The following KDM6B variants were observed in gnomAD, a reference collection of about 807,000 sequenced individuals.
The protein encoded by KDM6B is lysine-specific demethylase 6B.
Under a neutral mutation model 150.4 loss-of-function variants are expected in KDM6B, and 22 were observed. That is an observed-to-expected ratio of 0.15 (90% CI 0.10 to 0.21). The LOEUF (loss-of-function observed/expected upper bound fraction) is 0.21, where lower values mean the gene tolerates loss of function less well. Ranked by LOEUF, KDM6B falls within the 10% of genes least tolerant of loss-of-function variation. The pLI is 1.00. For synonymous variants in KDM6B, 1,148 were observed against 921.1 expected (o/e 1.25, Z -4.46); for missense variants, 1,984 against 2,234.3 (o/e 0.89, Z 2.26).
chr17:7,853,356 T>C lies in KDM6B; in HGVS notation c.4884T>C (p.Ala1628=), dbSNP rs756013989. The change falls in exon 23 of 24, where the codon GCT becomes GCC. Residue 1628 remains alanine, a synonymous_variant. Transcript: ENST00000448097. ...VLEQYRTEEL[A]QAYDAFTLAP... ...AGCAGTACCGCACTGAGGAGCTGGC[T>C]CAGGCCTACGACGCCTTCACGCTGG... is the stretch of plus-strand genomic sequence containing the variant. 5 of 1,563,726 alleles carry C rather than the reference T, an allele frequency of 3.2e-6. No individual in the cohort carries two copies. The highest frequency in any genetic ancestry group is 1.7e-4 in the Middle Eastern group (1 of 6,004).
intron 21 of KDM6B, 110 bp downstream of exon 21, chr17:7,852,746 G>T: frequency 2.0e-6 from 3 of 1,493,754 alleles, no homozygotes; most frequent in South Asian, 1.1e-5. Context: ...GTCTGCCTGT[G>T]CCCCGAGTGT....
At position 7,844,812 on chromosome 17, in the gene KDM6B, C is replaced by T. The variant is rs1053223041; in HGVS notation, c.-268-89C>T. The T allele has an allele frequency of 1.3e-4, 20 of 156,260 alleles. No homozygotes were observed. The highest frequency in any genetic ancestry group is 4.8e-4 in the African/African-American group (20 of 41,434). 9.7% of individuals were successfully genotyped at this position (156,260 alleles called of 1,614,324 possible). A position where few individuals can be genotyped will look rare whatever the true frequency, so the allele number is the denominator to read the frequency against. ...GCCGCGGGGTCACATCGGGGTCACC[C>T]CGGGCTGAGCTCGTCTGACCGGCTC... On this transcript the variant is annotated intron_variant, in intron 2 of 23. Coordinates refer to ENST00000448097, the MANE Select transcript of KDM6B (RefSeq NM_001348716.2). The surrounding 1 kb of genome is among the most constrained non-coding windows in gnomAD (Gnocchi z 5.9).
chr17:7,837,486 T>C (rs2078350100), intron 1 of KDM6B, among the ~76,000 whole-genome samples: 1 of 152,230 alleles, frequency 6.6e-6, no homozygotes, highest in South Asian at 2.1e-4. Context: ...ATGGTTGTTC[T>C]TCTCTATTAA....
In KDM6B at chr17:7,848,554, A is replaced by G. The variant is rs758011548; in HGVS notation, c.2266A>G (p.Thr756Ala). 6.0e-6 allele frequency: 9 copies of G among 1,495,208 alleles called. No individual in the cohort carries two copies. Among genetic ancestry groups the G allele is most frequent in the South Asian group, 1.1e-5 (1 of 87,964 alleles). The allele number at this position is 1,495,208 out of a possible 1,614,324, so 92.6% of individuals were successfully genotyped here. Residue 756 changes from threonine (T) to alanine (A), a missense_variant, in exon 12 of 24, where the codon ACC (threonine) becomes GCC (alanine). Physicochemically the swap from Thr to Ala is moderately conservative, Grantham distance 58. Coordinates refer to ENST00000448097, the MANE Select transcript of KDM6B (RefSeq NM_001348716.2). ...TGCTGTCGCCGTCACCACCACCACCACCACCACCACCACCACCACGGCCAC... is the reference window on the plus strand; with the variant it reads ...TGCTGTCGCCGTCACCACCACCACCGCCACCACCACCACCACCACGGCCAC... Reference protein sequence around the residue: ...APAVAVTTTTTTTTTTTATQE... With the variant: ...APAVAVTTTTATTTTTTATQE...
chr17:7,845,479 G>A, intron 4 of KDM6B, 23 bp downstream of exon 4: 1 of 1,591,482 alleles, frequency 6.3e-7, no homozygotes, highest in Non-Finnish European at 8.6e-7. Flanking sequence ...CTGGGGCCGA[G>A]CTGGCTGGAT....
chr17:7,844,039 C>T lies in KDM6B; in HGVS notation c.-268-862C>T, dbSNP rs2078475985. On this transcript the variant is annotated intron_variant, in intron 2 of 23. Coordinates refer to ENST00000448097, the MANE Select transcript of KDM6B (RefSeq NM_001348716.2). This position sits in a 1 kb window ranked among gnomAD's most constrained non-coding sequence, Gnocchi z 5.9. ...GATGTCACTGCCTGTCGGGCCCCGC[C>T]CTCCTCCCTCCCTCAGGACCCCCCC... 6.7e-6 allele frequency among the ~76,000 whole-genome samples: 1 copy of T among 148,812 alleles called. No homozygotes were observed. Among genetic ancestry groups the T allele is most frequent in the Non-Finnish European group, 1.5e-5 (1 of 67,290 alleles).
chr17:7,847,974 C>T lies in KDM6B; in HGVS notation c.1686C>T (p.Ser562=). 1 of 1,612,006 alleles carries T rather than the reference C, an allele frequency of 6.2e-7. No individual in the cohort carries two copies. The highest frequency in any genetic ancestry group is 8.5e-7 in the Non-Finnish European group (1 of 1,179,344). ...GCAACAGCAACAGTGGCAGCCACAG[C>T]AGCAGCCCTGCTGGGCCTGTGTCCT... The part of the protein sequence containing the change: ...SSSNSNSGSH[S]SSPAGPVSFP... The change falls in exon 12 of 24, where the codon AGC becomes AGT. Residue 562 remains serine (S), a synonymous_variant. Coordinates refer to ENST00000448097, the MANE Select transcript of KDM6B (RefSeq NM_001348716.2).
At position 7,846,303 on chromosome 17, in the gene KDM6B, A is replaced by G. The variant is rs80152199; in HGVS notation, c.456+6A>G. ...GCATTGGCCGACTGCAGCAGGTAGG[A>G]GAAGGCAGGGCGTGGGGGACGGGAT... On this transcript the variant is annotated splice_donor_region_variant and intron_variant, in intron 7 of 23. Transcript: ENST00000448097. 0.083 allele frequency: 133,790 copies of G among 1,610,974 alleles called. 8,075 individuals are homozygous for G. The highest frequency in any genetic ancestry group is 0.37 in the East Asian group (16,460 of 44,652).
chr17:7,852,951 C>T (rs1376368536), intron 21 of KDM6B, 49 bp from the exon 22 acceptor site: 3 of 1,612,654 alleles, frequency 1.9e-6, no homozygotes, highest in African/African-American at 1.3e-5. Context: ...AGCCCTGCCT[C>T]AGGCCTCCTC....
At position 7,853,302 on chromosome 17, in the gene KDM6B, C is replaced by T. The variant is rs111411656; in HGVS notation, c.4830C>T (p.Ser1610=). The part of the protein sequence containing the change: ...VHCEGCARRR[S]AGLQGVVVLE... ...GCGAGGGCTGTGCCCGGCGCCGCAGCGCAGGCCTGCAGGGCGTGGTGGTGC... is the reference window on the plus strand; with the variant it reads ...GCGAGGGCTGTGCCCGGCGCCGCAGTGCAGGCCTGCAGGGCGTGGTGGTGC... The change falls in exon 23 of 24, where the codon AGC becomes AGT. Residue 1610 remains serine (S), a synonymous_variant. Transcript: ENST00000448097. The T allele has an allele frequency of 1.9e-6, 3 of 1,600,848 alleles. No individual in the cohort carries two copies. Among genetic ancestry groups the T allele is most frequent in the Non-Finnish European group, 2.6e-6 (3 of 1,174,654 alleles).
rs1364219125 is a variant in KDM6B at position 7,854,707 on chromosome 17, C to T, written c.*1186C>T. On this transcript the variant is annotated 3_prime_UTR_variant, in exon 24 of 24. Transcript: ENST00000448097. ...CTCGCACTGCACTGTCTCTCTGCCC[C>T]AGGGGCAGAGGGGTCTTCCCAACCC... 1 of 222,802 alleles carries T rather than the reference C, an allele frequency of 4.5e-6. No individual in the cohort carries two copies. The highest frequency in any genetic ancestry group is 2.3e-5 in the African/African-American group (1 of 43,210). 13.8% of individuals were successfully genotyped at this position (222,802 alleles called of 1,614,324 possible). A position where few individuals can be genotyped will look rare whatever the true frequency, so the allele number is the denominator to read the frequency against.
In KDM6B at chr17:7,850,171, C is replaced by A. The variant is rs2078662637; in HGVS notation, c.3667C>A (p.Arg1223=). The A allele has an allele frequency of 6.2e-7, 1 of 1,612,924 alleles. No homozygotes were observed. Among genetic ancestry groups the A allele is most frequent in the Non-Finnish European group, 8.5e-7 (1 of 1,179,562 alleles). The change falls in exon 14 of 24, where the codon CGG becomes AGG. Residue 1223 remains arginine, a synonymous_variant. Coordinates refer to ENST00000448097, the MANE Select transcript of KDM6B (RefSeq NM_001348716.2). ...TVIRGLAGSL[R]LNLGLFSTKT... ...GATCCGGGGCCTGGCGGGCTCCCTG[C>A]GGCTCAGTGAGTATGGGGGGCAGAA... is the stretch of plus-strand genomic sequence containing the variant.
rs2078740406 is a variant in KDM6B, at chr17:7,853,289, C to T, written c.4817C>T (p.Ala1606Val). Reference sequence around the variant, plus strand: ...TACCTGGTACACTGCGAGGGCTGTGCCCGGCGCCGCAGCGCAGGCCTGCAG... The same window carrying T: ...TACCTGGTACACTGCGAGGGCTGTGTCCGGCGCCGCAGCGCAGGCCTGCAG... ...NTYLVHCEGC[A>V]RRRSAGLQGV... Residue 1606 changes from alanine (A) to valine (V), a missense_variant, in exon 23 of 24, where the codon GCC becomes GTC. Ala to Val is a moderately conservative substitution (Grantham distance 64, BLOSUM62 0). Coordinates refer to ENST00000448097, the MANE Select transcript of KDM6B (RefSeq NM_001348716.2). 1.2e-6 allele frequency: 2 copies of T among 1,605,546 alleles called. No individual in the cohort carries two copies. The highest frequency in any genetic ancestry group is 1.3e-5 in the African/African-American group (1 of 74,828).
Position 7,849,004 on chromosome 17 carries a change from C to A in KDM6B, c.2716C>A (p.Pro906Thr). The change falls in exon 12 of 24, where the codon CCT becomes ACT. Residue 906 changes from proline to threonine, a missense_variant. Physicochemically the swap from Pro to Thr is conservative, Grantham distance 38. Around this residue, in one of 13 missense-constraint regions of KDM6B, gnomAD observed 1,379 missense variants for 1,275.6 expected, o/e 1.08. Transcript: ENST00000448097. The part of the protein sequence containing the change: ...TQPPPPLSLP[P>T]ARSESEVLEE... ...ACCGCCCCCACCCCTATCTCTGCCC[C>A]CTGCTCGCTCTGAGTCTGAGGTGCT... 1 of 1,596,046 alleles carries A rather than the reference C, an allele frequency of 6.3e-7. No homozygotes were observed. The highest frequency in any genetic ancestry group is 1.1e-5 in the South Asian group (1 of 90,128).
Position 7,853,604 on chromosome 17 carries a change from C to A in KDM6B, c.*83C>A. 1.8e-6 allele frequency: 2 copies of A among 1,121,612 alleles called. No homozygotes were observed. Among genetic ancestry groups the A allele is most frequent in the South Asian group, 2.1e-5 (1 of 46,530 alleles). 69.5% of individuals were successfully genotyped at this position (1,121,612 alleles called of 1,614,324 possible). A position where few individuals can be genotyped will look rare whatever the true frequency, so the allele number is the denominator to read the frequency against. On this transcript the variant is annotated 3_prime_UTR_variant, in exon 24 of 24. Coordinates refer to ENST00000448097, the MANE Select transcript of KDM6B (RefSeq NM_001348716.2). ...ATGCCTGGGCTGGACCTAGGTCCCG[C>A]CTGTGGCCGAGAAGGGGGTCGGGCC...
rs747163354 is a variant in KDM6B at position 7,848,648 on chromosome 17, C to A, written c.2360C>A (p.Pro787His). 2 of 1,603,044 alleles carry A rather than the reference C, an allele frequency of 1.2e-6. No individual in the cohort carries two copies. The highest frequency in any genetic ancestry group is 2.7e-5 in the African/African-American group (2 of 74,598). Residue 787 changes from proline (P) to histidine (H), a missense_variant, in exon 12 of 24, where the codon CCC (proline) becomes CAC (histidine). This residue lies in a region of KDM6B where 1,379 missense variants were observed against 1,275.6 expected (regional missense o/e 1.08). Transcript: ENST00000448097. ...PPPPLAKFPP[P>H]SQPQPPPPPP... ...CCGCCTCTAGCCAAGTTCCCTCCAC[C>A]CTCTCAGCCACAGCCACCACCACCC... is the stretch of plus-strand genomic sequence containing the variant.
intron 1 of KDM6B, among the ~76,000 whole-genome samples, chr17:7,838,590 A>G (rs1165507386): frequency 8.2e-6 from 1 of 122,486 alleles, no homozygotes; most frequent in African/African-American, 3.3e-5. Context: ...TGTTGTCCAG[A>G]CACCCCTCAC....
At chr17:7,847,040 C>T (rs369902347) in intron 10 of KDM6B, 24 bp downstream of exon 10, 7 of 1,611,258 alleles carry the variant, frequency 4.3e-6, no homozygotes, top group African/African-American at 1.3e-5. Context: ...TGTTGCCTTT[C>T]ACCTCTCACC....
chr17:7,847,824 C>A lies in KDM6B; in HGVS notation c.1536C>A (p.Pro512=), dbSNP rs780886718. ...EELFFGTEGP[P]RPAPPPLPHR... is the part of the protein sequence containing the mutation. Reference sequence around the variant, plus strand: ...TCTTCTTTGGGACTGAGGGACCCCCCCGCCCTGCCCCACCACCCCTCCCCC... The same window carrying A: ...TCTTCTTTGGGACTGAGGGACCCCCACGCCCTGCCCCACCACCCCTCCCCC... Residue 512 remains proline, a synonymous_variant, in exon 12 of 24, where the codon CCC becomes CCA. Coordinates refer to ENST00000448097, the MANE Select transcript of KDM6B (RefSeq NM_001348716.2). 6.5e-7 allele frequency: 1 copy of A among 1,538,504 alleles called. No homozygotes were observed. The highest frequency in any genetic ancestry group is 1.2e-5 in the South Asian group (1 of 83,900).
Sources: gnomAD v4.1 joint callset for allele counts (sites outside exome capture counted in the v4.1 genomes callset) on GRCh38, gnomAD v4.1.1 for gene constraint, gnomAD v4.1.1 regional missense constraint, Gnocchi (gnomAD v3.1) non-coding constraint, MANE v1.5 for transcripts, NCBI Gene and HGNC (gene_info 2026-07-23, HGNC 2026-07-21) for gene names.